TBXAS1: variants seen among roughly 807,000 people sequenced by gnomAD.
TBXAS1 encodes the protein thromboxane-A synthase.
Under a neutral mutation model 60.7 loss-of-function variants are expected in TBXAS1, and 48 were observed. The ratio of observed to expected loss-of-function variants is 0.79; its 90% CI spans 0.63 to 1.01. The LOEUF is 1.01. Among genes scored for constraint, TBXAS1 ranks in the 50% least tolerant of loss-of-function variants. The pLI is 0.00. For synonymous variants in TBXAS1, 287 were observed against 269.7 expected, an observed-to-expected ratio of 1.06 and a Z score of -0.63; for missense variants, 685 against 686.3, an observed-to-expected ratio of 1.00 and a Z score of 0.02.
At chr7:139,796,957 G>A (rs1278728119) in intron 4 of TBXAS1, among the ~76,000 whole-genome samples, 3 of 152,106 alleles carry the variant, frequency 2.0e-5, no homozygotes, top group South Asian at 2.1e-4. Flanking sequence ...TTAAACTTGC[G>A]CTTGACATGT....
chr7:139,822,524 C>T (rs111765342), intron 4 of TBXAS1, among the ~76,000 whole-genome samples: 6,839 of 152,278 alleles, frequency 0.045, 232 homozygotes, highest in Non-Finnish European at 0.073. Context: ...GGCCATCTCC[C>T]GAGCATCTTA....
At chr7:140,014,786 C>T (rs1485116702) in intron 10 of TBXAS1, among the ~76,000 whole-genome samples, 1 of 151,896 alleles carries the variant, frequency 6.6e-6, no homozygotes, top group Admixed American at 6.6e-5. Flanking sequence ...TGTTGACACA[C>T]ACCTGTAGTC....
intron 9 of TBXAS1, among the ~76,000 whole-genome samples, chr7:139,990,180 T>A (rs1036043339): frequency 4.6e-5 from 7 of 152,128 alleles, no homozygotes; most frequent in Admixed American, 2.0e-4. Flanking sequence ...CTAGTCCTCA[T>A]CTTATACCCA....
chr7:139,925,812 T>C (rs2117129415), intron 4 of TBXAS1, among the ~76,000 whole-genome samples: 1 of 152,304 alleles, frequency 6.6e-6, no homozygotes, highest in Non-Finnish European at 1.5e-5. Context: ...TGATTGATGT[T>C]CCTTCTATGC....
chr7:139,791,813 T>G (rs998343168), intron 4 of TBXAS1, among the ~76,000 whole-genome samples: 60 of 151,896 alleles, frequency 4.0e-4, no homozygotes, highest in Admixed American at 9.2e-4. Flanking sequence ...GTTTTGTTTT[T>G]TTTTTTTTTT....
intron 1 of TBXAS1, among the ~76,000 whole-genome samples, chr7:139,872,034 T>A (rs1182623158): frequency 1.3e-5 from 2 of 152,188 alleles, no homozygotes; most frequent in African/African-American, 4.8e-5. Context: ...CTCCAGCAGG[T>A]CACTCAACAG....
At chr7:139,950,573 C>A (rs74347389) in intron 5 of TBXAS1, among the ~76,000 whole-genome samples, 1 of 152,148 alleles carries the variant, frequency 6.6e-6, no homozygotes, top group Non-Finnish European at 1.5e-5. Flanking sequence ...CCGTCCATAG[C>A]GCTGTCCAGG....
chr7:139,905,057 TTC>T (rs796683953), intron 3 of TBXAS1, among the ~76,000 whole-genome samples: 1,936 of 106,958 alleles, frequency 0.018, 49 homozygotes, highest in Non-Finnish European at 0.025. Context: ...CTTTCTTTCT[TTC>T]TCTCTCTCTC....
At chr7:139,905,047 CT>C (rs1267648213) in intron 3 of TBXAS1, among the ~76,000 whole-genome samples, 2 of 86,384 alleles carry the variant, frequency 2.3e-5, no homozygotes, top group African/African-American at 5.9e-5. Context: ...TTCTTTCTTT[CT>C]TTCTTTCTTT....
chr7:140,007,155 C>T lies in TBXAS1; in HGVS notation c.1199C>T (p.Thr400Met), dbSNP rs78666490. 5.6e-5 allele frequency: 90 copies of T among 1,614,160 alleles called. No homozygotes were observed. Among genetic ancestry groups the T allele is most frequent in the Middle Eastern group, 1.6e-4 (1 of 6,062 alleles). ...LPYLDMVIAE[T>M]LRMYPPAFRF... ...TATCTGGACATGGTGATTGCAGAGA[C>T]GCTGAGGATGTACCCGCCAGCTTTC... The change falls in exon 10 of 13, where the codon ACG becomes ATG. Residue 400 changes from threonine (T) to methionine (M), a missense_variant. Thr to Met is a moderately conservative substitution (Grantham distance 81). Transcript: ENST00000448866.
intron 4 of TBXAS1, among the ~76,000 whole-genome samples, chr7:139,930,423 C>T (rs1324218716): frequency 1.3e-5 from 2 of 151,964 alleles, no homozygotes; most frequent in Admixed American, 6.6e-5. Flanking sequence ...CCTAAGAGGT[C>T]GGTAGCGTTA....
At chr7:140,000,810 A>G (rs1813620257) in intron 9 of TBXAS1, among the ~76,000 whole-genome samples, 2 of 152,228 alleles carry the variant, frequency 1.3e-5, no homozygotes, top group Non-Finnish European at 1.5e-5. Flanking sequence ...AACACATCCT[A>G]TTAGCCTAGT....
intron 3 of TBXAS1, among the ~76,000 whole-genome samples, chr7:139,889,290 T>C (rs1313287204): frequency 6.6e-6 from 1 of 150,386 alleles, no homozygotes; most frequent in Non-Finnish European, 1.5e-5. Flanking sequence ...GCTGAGATCA[T>C]GTCACTGTAA....
intron 1 of TBXAS1, among the ~76,000 whole-genome samples, chr7:139,857,810 A>C (rs1800685701): frequency 6.6e-6 from 1 of 151,082 alleles, no homozygotes; most frequent in Admixed American, 6.6e-5. Flanking sequence ...AGCTTACTGC[A>C]GCCTCTAATT....
intron 3 of TBXAS1, among the ~76,000 whole-genome samples, chr7:139,881,400 A>C (rs1205097247): frequency 1.3e-5 from 2 of 152,178 alleles, no homozygotes; most frequent in African/African-American, 2.4e-5. Context: ...AAAATATAGA[A>C]TGTTTGATAT....
intron 4 of TBXAS1, among the ~76,000 whole-genome samples, chr7:139,818,193 T>G (rs768136005): frequency 2.2e-4 from 34 of 152,070 alleles, no homozygotes; most frequent in Non-Finnish European, 4.0e-4. Context: ...GAGGGTTCCT[T>G]GAGGAGGTGG....
At position 139,910,973 on chromosome 7, in the gene TBXAS1, T is replaced by A. The variant is rs528826698; in HGVS notation, c.237-252T>A. Among the ~76,000 whole-genome samples the A allele has an allele frequency of 5.9e-5, 9 of 152,306 alleles. No homozygotes were observed. The South Asian group carries it at 1.9e-3, about 32-fold the overall frequency. ...TAATAAGCTCCTTGGGCAGGGAGTG[T>A]ATCTTATTCAACCCAGAGTCTCCAG... On this transcript the variant is annotated intron_variant, in intron 3 of 12. Coordinates refer to ENST00000448866, the MANE Select transcript of TBXAS1 (RefSeq NM_001061.7).
At chr7:139,932,281 G>T (rs953245872) in intron 4 of TBXAS1, among the ~76,000 whole-genome samples, 1 of 152,066 alleles carries the variant, frequency 6.6e-6, no homozygotes, top group South Asian at 2.1e-4. Context: ...GTCTGGAGTG[G>T]CTTTCCAGAC....
intron 8 of TBXAS1, among the ~76,000 whole-genome samples, chr7:139,959,386 T>C (rs1240457037): frequency 6.6e-6 from 1 of 152,212 alleles, no homozygotes. Context: ...CTCTAGCCGA[T>C]GGGTGGATTA....
Sources: gnomAD v4.1 joint callset for allele counts (sites outside exome capture counted in the v4.1 genomes callset) on GRCh38, gnomAD v4.1.1 for gene constraint, MANE v1.5 for transcripts, NCBI Gene and HGNC (gene_info 2026-07-23, HGNC 2026-07-21) for gene names.